The following LRRK1 variants were observed in gnomAD, a reference collection of about 807,000 sequenced individuals.
LRRK1 encodes leucine-rich repeat serine/threonine-protein kinase 1.
Under a neutral mutation model 209.1 loss-of-function variants are expected in LRRK1, and 113 were observed. The ratio of observed to expected loss-of-function variants is 0.54; its 90% CI spans 0.46 to 0.63. LRRK1 has a LOEUF of 0.63. LRRK1 is among the 30% of genes least tolerant of loss of function. The pLI, the probability that LRRK1 is intolerant of heterozygous loss-of-function variation, is 0.00. For synonymous variants in LRRK1, 1,144 were observed against 1,099.7 expected (o/e 1.04, Z -0.80); for missense variants, 2,284 against 2,632.2 (o/e 0.87, Z 2.89).
At chr15:101,045,612 C>T (rs1362807173) in intron 20 of LRRK1, among the ~76,000 whole-genome samples, 2 of 152,150 alleles carry the variant, frequency 1.3e-5, no homozygotes, top group Non-Finnish European at 2.9e-5. Context: ...CCTTCATCAA[C>T]CAAAGTTAAT....
intron 3 of LRRK1, among the ~76,000 whole-genome samples, chr15:100,976,093 C>T (rs2031276719): frequency 6.6e-6 from 1 of 151,926 alleles, no homozygotes; most frequent in African/African-American, 2.4e-5. Context: ...ATGAAATGAA[C>T]AAATAAAAAG....
At chr15:100,921,593 C>T (rs1425665703) in intron 1 of LRRK1, among the ~76,000 whole-genome samples, 2 of 152,252 alleles carry the variant, frequency 1.3e-5, no homozygotes, top group African/African-American at 4.8e-5. Context: ...AATATCTGGG[C>T]TTCTCTGCTG....
chr15:100,937,836 A>G (rs1324247498), intron 2 of LRRK1, among the ~76,000 whole-genome samples: 1 of 147,134 alleles, frequency 6.8e-6, no homozygotes, highest in Admixed American at 6.8e-5. Flanking sequence ...CGCCCAGCCT[A>G]TTTATTTCTT....
At chr15:100,963,879 C>T (rs981784045) in intron 2 of LRRK1, among the ~76,000 whole-genome samples, 1 of 152,176 alleles carries the variant, frequency 6.6e-6, no homozygotes, top group African/African-American at 2.4e-5. Flanking sequence ...GTCAGGTGGA[C>T]ATAACATAGC....
chr15:100,924,077 C>A (rs2042065634), intron 1 of LRRK1, among the ~76,000 whole-genome samples: 1 of 152,184 alleles, frequency 6.6e-6, no homozygotes, highest in Non-Finnish European at 1.5e-5. Context: ...TGGCCCCGGG[C>A]AAAAGGAGAG....
Position 101,066,592 on chromosome 15 carries a change from G to A in LRRK1, c.5769-48G>A, listed in dbSNP as rs770122630. ...GCACACCGGCTTCACTCCCCGGAGA[G>A]CACGGCTACCGACAAATCGCTTCCC... On this transcript the variant is annotated intron_variant, in intron 32 of 33. Coordinates refer to ENST00000388948, the MANE Select transcript of LRRK1 (RefSeq NM_024652.6). 2.6e-6 allele frequency: 4 copies of A among 1,563,944 alleles called. No homozygotes were observed. In the African/African-American group the frequency reaches 4.0e-5, roughly 16 times the overall value.
intron 12 of LRRK1, among the ~76,000 whole-genome samples, chr15:101,020,656 G>A (rs944552737): frequency 6.6e-6 from 1 of 152,166 alleles, no homozygotes; most frequent in African/African-American, 2.4e-5. Flanking sequence ...TTACAGGCGT[G>A]AGCCACCAGC....
intron 31 of LRRK1, among the ~76,000 whole-genome samples, chr15:101,063,094 CCCTCCCTCCATCTCTG>C (rs765665446): frequency 6.8e-4 from 103 of 152,288 alleles, no homozygotes; most frequent in Non-Finnish European, 1.2e-3. Context: ...GTCCTGATCT[CCCTCCCTCCATCTCTG>C]CCTCCCGCCA....
intron 3 of LRRK1, among the ~76,000 whole-genome samples, chr15:100,981,223 G>A (rs750625706): frequency 2.6e-5 from 4 of 152,186 alleles, no homozygotes; most frequent in Non-Finnish European, 5.9e-5. Flanking sequence ...GCCTTGGGCT[G>A]GCTCCTATGA....
intron 9 of LRRK1, 51 bp downstream of exon 9, chr15:101,010,888 G>A (rs903571691): frequency 4.5e-6 from 7 of 1,558,412 alleles, no homozygotes; most frequent in Non-Finnish European, 6.1e-6. Flanking sequence ...CTGCCTCTCA[G>A]CTGGCCTCAG....
intron 2 of LRRK1, among the ~76,000 whole-genome samples, chr15:100,938,062 T>G (rs1190381920): frequency 6.6e-6 from 1 of 151,486 alleles, no homozygotes; most frequent in Admixed American, 6.6e-5. Flanking sequence ...GTTCACCATG[T>G]TGCCCAGGTT....
At chr15:101,049,048 G>T (rs914308246) in intron 22 of LRRK1, among the ~76,000 whole-genome samples, 2 of 152,164 alleles carry the variant, frequency 1.3e-5, no homozygotes, top group African/African-American at 4.8e-5. Flanking sequence ...GGGATGCTGA[G>T]ACTCCTCAGC....
Position 101,065,514 on chromosome 15 carries a change from G to C in LRRK1, c.5077G>C (p.Val1693Leu). Residue 1693 changes from valine to leucine, a missense_variant, in exon 32 of 34, where the codon GTG (valine) becomes CTG (leucine). Val to Leu is a conservative substitution (Grantham distance 32). Around this residue, in one of 6 missense-constraint regions of LRRK1, gnomAD observed 643 missense variants for 695.9 expected, o/e 0.92. Coordinates refer to ENST00000388948, the MANE Select transcript of LRRK1 (RefSeq NM_024652.6). The stretch of plus-strand genomic sequence containing the variant: ...AGACGCACGGCAGAACCCCTACCCA[G>C]TGAAGGCCATGGAGGTGGTCAACAG... ...DEDARQNPYP[V>L]KAMEVVNSGS... 6.2e-7 allele frequency: 1 copy of C among 1,614,228 alleles called. No homozygotes were observed. Among genetic ancestry groups the C allele is most frequent in the Non-Finnish European group, 8.5e-7 (1 of 1,180,042 alleles).
chr15:100,946,571 G>A (rs893886388), intron 2 of LRRK1, among the ~76,000 whole-genome samples: 2 of 152,160 alleles, frequency 1.3e-5, no homozygotes, highest in Non-Finnish European at 2.9e-5. Flanking sequence ...TTTTCAGATG[G>A]ATCAAATCTA....
chr15:101,070,031 A>C lies in LRRK1; in HGVS notation c.*1183A>C, dbSNP rs2036731013. ...TGTTGACCCTTTTCTAAAATTAAAA[A>C]GATCAAATTTAGTATTTGCTGGATA... On this transcript the variant is annotated 3_prime_UTR_variant, in exon 34 of 34. Transcript: ENST00000388948. 1 of 152,280 alleles carries C rather than the reference A, an allele frequency of 6.6e-6. No homozygotes were observed. Among genetic ancestry groups the C allele is most frequent in the Non-Finnish European group, 1.5e-5 (1 of 68,054 alleles). 9.4% of individuals were successfully genotyped at this position (152,280 alleles called of 1,614,324 possible).
chr15:100,993,981 G>T (rs550068029), intron 6 of LRRK1, among the ~76,000 whole-genome samples: 84 of 152,292 alleles, frequency 5.5e-4, no homozygotes, highest in Non-Finnish European at 7.2e-4. Flanking sequence ...CTTAGCACAG[G>T]CCCTGGCACA....
intron 31 of LRRK1, 57 bp downstream of exon 31, chr15:101,062,747 G>C (rs1038204360): frequency 3.9e-6 from 5 of 1,281,348 alleles, no homozygotes; most frequent in African/African-American, 2.9e-5. Context: ...ACGCCTAGGA[G>C]GCGTCTCCTA....
chr15:100,979,702 A>G (rs2031494092), intron 3 of LRRK1, among the ~76,000 whole-genome samples: 1 of 152,228 alleles, frequency 6.6e-6, no homozygotes, highest in African/African-American at 2.4e-5. Flanking sequence ...TCATAGCTAG[A>G]ATATATAAAG....
Position 100,983,569 on chromosome 15 carries a change from G to C in LRRK1, c.303G>C (p.Glu101Asp), listed in dbSNP as rs1460054859. 2 of 1,610,360 alleles carry C rather than the reference G, an allele frequency of 1.2e-6. No homozygotes were observed. Among genetic ancestry groups the C allele is most frequent in the East Asian group, 4.5e-5 (2 of 44,852 alleles). ...TCCCGGCAGCCTATGGGGATCTGGA[G>C]ATGGTCCGCTACCTACTCAGCAAGA... ...LSIPAAYGDL[E>D]MVRYLLSKRL... Residue 101 changes from glutamate (E) to aspartate (D), a missense_variant, in exon 4 of 34, where the codon GAG becomes GAC. Physicochemically the swap from Glu to Asp is conservative, Grantham distance 45 (BLOSUM62 2). Around this residue, in one of 6 missense-constraint regions of LRRK1, gnomAD observed 134 missense variants for 191.7 expected, o/e 0.70. Coordinates refer to ENST00000388948, the MANE Select transcript of LRRK1 (RefSeq NM_024652.6).
Sources: allele counts gnomAD v4.1 joint callset (sites outside exome capture counted in the v4.1 genomes callset), GRCh38; gene constraint gnomAD v4.1.1; regional missense constraint gnomAD v4.1.1; transcripts MANE v1.5; gene names NCBI Gene and HGNC (gene_info 2026-07-23, HGNC 2026-07-21).